PTPRN2: variants seen among roughly 807,000 people sequenced by gnomAD.
PTPRN2 encodes protein tyrosine phosphatase receptor type N2.
PTPRN2 carries 74 observed loss-of-function variants against 118.8 expected under a neutral mutation model. The observed-to-expected ratio is 0.62, with a 90% CI of 0.52 to 0.76. The LOEUF (loss-of-function observed/expected upper bound fraction) is 0.76. Ranked by LOEUF, PTPRN2 falls within the 30% of genes least tolerant of loss-of-function variation. The pLI is 0.00. For synonymous variants in PTPRN2, 641 were observed against 608.0 expected (o/e 1.05, Z -0.80); for missense variants, 1,481 against 1,394.4 (o/e 1.06, Z -0.99).
rs1321809914 is a variant in PTPRN2, at chr7:157,893,264, G to A, written c.1788+5409C>T. ...GAGCCTCTGCCCCTGGGAATGGCAAGGTCCATCCTCTGCTCGCTCAGGGGC... is the reference window on the plus strand; with the variant it reads ...GAGCCTCTGCCCCTGGGAATGGCAAAGTCCATCCTCTGCTCGCTCAGGGGC... On this transcript the variant is annotated intron_variant, in intron 12 of 22. Transcript: ENST00000389418. The surrounding 1 kb of genome is among the most constrained non-coding windows in gnomAD (Gnocchi z 4.0). Among the ~76,000 whole-genome samples the A allele has an allele frequency of 6.6e-6, 1 of 152,202 alleles. No homozygotes were observed.
At chr7:157,691,860 T>C (rs1797516445) in intron 12 of PTPRN2, among the ~76,000 whole-genome samples, 1 of 149,536 alleles carries the variant, frequency 6.7e-6, no homozygotes, top group African/African-American at 2.5e-5. Flanking sequence ...ACTGAGCACC[T>C]CCCCCCCGCG....
At chr7:157,747,188 C>CCTGCGTCCCTGAGCTGTGGGCTGTTG (rs1801014005) in intron 12 of PTPRN2, among the ~76,000 whole-genome samples, 1 of 53,528 alleles carries the variant, frequency 1.9e-5, no homozygotes, top group African/African-American at 8.6e-5. Flanking sequence ...GTGGGGTGTG[C>CCTGCGTCCCTGAGCTGTGGGCTGTTG]GGGTGATTCT....
chr7:157,572,650 G>T (rs1001574343), intron 19 of PTPRN2, among the ~76,000 whole-genome samples: 4 of 151,580 alleles, frequency 2.6e-5, no homozygotes, highest in Admixed American at 2.0e-4. Context: ...CCAGAACAAG[G>T]CCCTTCTGAT....
At position 157,780,507 on chromosome 7, in the gene PTPRN2, A is replaced by G. The variant is rs1231128390; in HGVS notation, c.1789-97570T>C. Among the ~76,000 whole-genome samples, 2 of 152,184 alleles carry G rather than the reference A, an allele frequency of 1.3e-5. No homozygotes were observed. Among genetic ancestry groups the G allele is most frequent in the African/African-American group, 4.8e-5 (2 of 41,452 alleles). ...CTGAAGTTCGCTTGTCCCCACAGGC[A>G]GCTCGACATGGTGCAGACCGTGGCA... On this transcript the variant is annotated intron_variant, in intron 12 of 22. Transcript: ENST00000389418. This position sits in a 1 kb window ranked among gnomAD's most constrained non-coding sequence, Gnocchi z 4.5.
Position 157,609,462 on chromosome 7 carries a change from C to T in PTPRN2, c.2345-5387G>A, listed in dbSNP as rs1802201216. ...GTTCCATATTTTCACGGATTAGATC[C>T]TCTTCTCTCATCCTGGACCCAGTGG... is the stretch of plus-strand genomic sequence containing the variant. On this transcript the variant is annotated intron_variant, in intron 15 of 22. Coordinates refer to ENST00000389418, the MANE Select transcript of PTPRN2 (RefSeq NM_002847.5). This position sits in a 1 kb window ranked among gnomAD's most constrained non-coding sequence, Gnocchi z 4.9. 6.6e-6 allele frequency among the ~76,000 whole-genome samples: 1 copy of T among 152,088 alleles called. No individual in the cohort carries two copies. The highest frequency in any genetic ancestry group is 1.5e-5 in the Non-Finnish European group (1 of 68,024).
At chr7:158,111,448 G>A (rs1272471790) in intron 9 of PTPRN2, among the ~76,000 whole-genome samples, 1 of 152,106 alleles carries the variant, frequency 6.6e-6, no homozygotes, top group African/African-American at 2.4e-5. Flanking sequence ...CACCTGGCTG[G>A]GGACCTGTCC....
intron 11 of PTPRN2, among the ~76,000 whole-genome samples, chr7:157,915,191 T>G (rs1279340844): frequency 6.6e-6 from 1 of 152,246 alleles, no homozygotes; most frequent in Non-Finnish European, 1.5e-5. Flanking sequence ...TTAAAATTTT[T>G]TATTGTGGAC....
intron 11 of PTPRN2, among the ~76,000 whole-genome samples, chr7:158,055,488 G>A (rs112068522): frequency 2.0e-4 from 30 of 152,300 alleles, no homozygotes; most frequent in Admixed American, 5.2e-4. Context: ...AGGCCCACCC[G>A]CAGTTATCCG....
At chr7:158,476,769 C>T (rs922156626) in intron 2 of PTPRN2, among the ~76,000 whole-genome samples, 1 of 152,370 alleles carries the variant, frequency 6.6e-6, no homozygotes, top group South Asian at 2.1e-4. Context: ...AGAAGAGACG[C>T]GAGAACGTCA....
At chr7:158,528,889 C>A (rs575580808) in intron 1 of PTPRN2, among the ~76,000 whole-genome samples, 44 of 152,176 alleles carry the variant, frequency 2.9e-4, no homozygotes, top group African/African-American at 1.1e-3. Context: ...TTAAAGTGCC[C>A]GGAATTGGAA....
At chr7:157,789,725 GTGTC>G (rs1393393122) in intron 12 of PTPRN2, among the ~76,000 whole-genome samples, 2 of 149,932 alleles carry the variant, frequency 1.3e-5, no homozygotes, top group East Asian at 2.0e-4. Context: ...TATGGTGTGT[GTGTC>G]TGTGGGGTAC....
At chr7:158,472,836 GAC>G (rs1307652284) in intron 2 of PTPRN2, among the ~76,000 whole-genome samples, 8 of 152,184 alleles carry the variant, frequency 5.3e-5, no homozygotes, top group Non-Finnish European at 1.2e-4. Flanking sequence ...CACCTTCAGT[GAC>G]ACTGCGTCAG....
chr7:158,479,995 A>T (rs898789365), intron 2 of PTPRN2, among the ~76,000 whole-genome samples: 1 of 152,236 alleles, frequency 6.6e-6, no homozygotes, highest in African/African-American at 2.4e-5. Flanking sequence ...CCCAATTGGG[A>T]TTCTAGATTC....
rs755760277 is a variant in PTPRN2 at position 158,546,741 on chromosome 7, C to T, written c.112+40817G>A. On this transcript the variant is annotated intron_variant, in intron 1 of 22. Transcript: ENST00000389418. The surrounding 1 kb of genome is among the most constrained non-coding windows in gnomAD (Gnocchi z 5.0). Reference sequence around the variant, plus strand: ...ACCCCAGCCACCAGCCTGGGAGGCCCGGTCACCCCACGGCCAGCGCCTGCC... The same window carrying T: ...ACCCCAGCCACCAGCCTGGGAGGCCTGGTCACCCCACGGCCAGCGCCTGCC... Among the ~76,000 whole-genome samples the T allele has an allele frequency of 2.6e-5, 4 of 152,226 alleles. No homozygotes were observed. Among genetic ancestry groups the T allele is most frequent in the Admixed American group, 6.5e-5 (1 of 15,286 alleles).
chr7:158,022,416 C>G lies in PTPRN2; in HGVS notation c.1723+58882G>C, dbSNP rs1022504736. On this transcript the variant is annotated intron_variant, in intron 11 of 22. Coordinates refer to ENST00000389418, the MANE Select transcript of PTPRN2 (RefSeq NM_002847.5). The surrounding 1 kb of genome is among the most constrained non-coding windows in gnomAD (Gnocchi z 4.6). The stretch of plus-strand genomic sequence containing the variant: ...CCCACGGTGATTACTGAGGGAAGAC[C>G]AGCGCAGCCCATGATGTGTTCACAG... 6.6e-6 allele frequency among the ~76,000 whole-genome samples: 1 copy of G among 152,202 alleles called. No individual in the cohort carries two copies. Among genetic ancestry groups the G allele is most frequent in the East Asian group, 1.9e-4 (1 of 5,178 alleles).
chr7:157,814,455 C>A (rs1806259358), intron 12 of PTPRN2, among the ~76,000 whole-genome samples: 1 of 148,066 alleles, frequency 6.8e-6, no homozygotes, highest in Non-Finnish European at 1.5e-5. Flanking sequence ...AGGATGGGAA[C>A]AGGAGGGGAC....
chr7:158,363,195 A>G (rs1586464213), intron 2 of PTPRN2, among the ~76,000 whole-genome samples: 1 of 152,110 alleles, frequency 6.6e-6, no homozygotes, highest in Non-Finnish European at 1.5e-5. Flanking sequence ...AGGGGAGGAC[A>G]CTAGGGAGGC....
rs1028121244 is a variant in PTPRN2 at position 157,622,444 on chromosome 7, C to T, written c.2197-935G>A. On this transcript the variant is annotated intron_variant, in intron 14 of 22. Coordinates refer to ENST00000389418, the MANE Select transcript of PTPRN2 (RefSeq NM_002847.5). The surrounding 1 kb of genome is among the most constrained non-coding windows in gnomAD (Gnocchi z 5.3). ...TCTGCCCACCCCCTGACATCCCCTT[C>T]GATTGATCCGAGGAGCTGGGATGGT... Among the ~76,000 whole-genome samples the T allele has an allele frequency of 1.3e-5, 2 of 152,142 alleles. No homozygotes were observed. The highest frequency in any genetic ancestry group is 4.8e-5 in the African/African-American group (2 of 41,422).
intron 11 of PTPRN2, among the ~76,000 whole-genome samples, chr7:157,908,261 G>C (rs1211149126): frequency 6.6e-6 from 1 of 152,218 alleles, no homozygotes; most frequent in Non-Finnish European, 1.5e-5. Flanking sequence ...GATGTCCCCT[G>C]CGCCCAGCAC....
Sources: gnomAD v4.1 joint callset for allele counts (sites outside exome capture counted in the v4.1 genomes callset) on GRCh38, gnomAD v4.1.1 for gene constraint, Gnocchi (gnomAD v3.1) non-coding constraint, MANE v1.5 for transcripts, NCBI Gene and HGNC (gene_info 2026-07-23, HGNC 2026-07-21) for gene names.